The following MGAT5 variants were observed in gnomAD, a reference collection of about 807,000 sequenced individuals.
The protein encoded by MGAT5 is alpha-1,6-mannosylglycoprotein 6-beta-N-acetylglucosaminyltransferase.
A neutral mutation model predicts 94.3 loss-of-function variants in MGAT5; 30 were observed. The ratio of observed to expected loss-of-function variants is 0.32; its 90% CI spans 0.24 to 0.43. The LOEUF (loss-of-function observed/expected upper bound fraction) is 0.43. MGAT5 is among the 20% of genes least tolerant of loss of function. The pLI is 1.00. For synonymous variants in MGAT5, 310 were observed against 322.9 expected (o/e 0.96, Z 0.43); for missense variants, 691 against 905.5 (o/e 0.76, Z 3.04).
chr2:134,369,632 C>T (rs1040646770), intron 10 of MGAT5, among the ~76,000 whole-genome samples: 5 of 151,606 alleles, frequency 3.3e-5, no homozygotes, highest in African/African-American at 1.2e-4. Context: ...TCCATAGTGA[C>T]CAAAAAGAGG....
At chr2:134,314,080 A>G (rs1318508545) in intron 2 of MGAT5, among the ~76,000 whole-genome samples, 2 of 152,218 alleles carry the variant, frequency 1.3e-5, no homozygotes, top group Non-Finnish European at 2.9e-5. Context: ...GAAAGTCCTT[A>G]TGAGCTATGG....
intron 1 of MGAT5, among the ~76,000 whole-genome samples, chr2:134,176,655 T>C (rs1017622690): frequency 6.6e-6 from 1 of 151,010 alleles, no homozygotes; most frequent in Non-Finnish European, 1.5e-5. Flanking sequence ...TTAAAAAGTC[T>C]ATAATACAAG....
At chr2:134,200,445 T>G (rs920906087) in intron 1 of MGAT5, among the ~76,000 whole-genome samples, 2 of 152,248 alleles carry the variant, frequency 1.3e-5, no homozygotes, top group African/African-American at 4.8e-5. Context: ...TGATGGCAGT[T>G]GTTGCCAATT....
Position 134,425,932 on chromosome 2 carries a change from A to G in MGAT5, c.1795-2433A>G, listed in dbSNP as rs575454462. Among the ~76,000 whole-genome samples the G allele has an allele frequency of 9.9e-5, 15 of 151,904 alleles. No individual in the cohort carries two copies. In the East Asian group the frequency reaches 2.5e-3, roughly 25 times the overall value. ...TTTAAACAAAGCAGGATGCCCAAGA[A>G]TACTTCCTTGCTTCTCCACAGCTGG... is the stretch of plus-strand genomic sequence containing the variant. On this transcript the variant is annotated intron_variant, in intron 13 of 15. Coordinates refer to ENST00000281923, the MANE Select transcript of MGAT5 (RefSeq NM_002410.5).
chr2:134,252,237 CAT>C (rs1402785499), upstream of MGAT5, among the ~76,000 whole-genome samples: 1 of 152,110 alleles, frequency 6.6e-6, no homozygotes, highest in Non-Finnish European at 1.5e-5. Flanking sequence ...AGAGAGCACT[CAT>C]GTGCCAGCTG....
At chr2:134,261,447 ACTGTTGGGTGGTGGCTGAGCATTCGC>A (rs1230070982) in intron 1 of MGAT5, among the ~76,000 whole-genome samples, 1 of 152,080 alleles carries the variant, frequency 6.6e-6, no homozygotes, top group Non-Finnish European at 1.5e-5. Flanking sequence ...CTAGGACAAG[ACTGTTGGGTGGTGGCTGAGCATTCGC>A]CTGTCTTTGA....
intron 1 of MGAT5, among the ~76,000 whole-genome samples, chr2:134,188,375 C>T (rs1689150907): frequency 1.3e-5 from 2 of 152,244 alleles, no homozygotes; most frequent in African/African-American, 2.4e-5. Context: ...GCCCCTCTGC[C>T]ATGTGGCCTT....
intron 2 of MGAT5, among the ~76,000 whole-genome samples, chr2:134,286,066 C>T (rs1684981787): frequency 6.6e-6 from 1 of 152,166 alleles, no homozygotes; most frequent in African/African-American, 2.4e-5. Context: ...TACTAATTAT[C>T]TTCTGTGTGC....
intron 15 of MGAT5, among the ~76,000 whole-genome samples, chr2:134,444,362 C>A (rs1427054891): frequency 1.3e-5 from 2 of 152,202 alleles, no homozygotes; most frequent in Non-Finnish European, 2.9e-5. Context: ...CTGGACCCCA[C>A]CCCCACCTCC....
intron 1 of MGAT5, among the ~76,000 whole-genome samples, chr2:134,140,923 T>C (rs7558356): frequency 0.013 from 2,035 of 152,308 alleles, 52 homozygotes; most frequent in African/African-American, 0.047. Context: ...ACCCACACTG[T>C]GTGGCTGCTG....
At chr2:134,220,664 G>T (rs111556628) in intron 1 of MGAT5, among the ~76,000 whole-genome samples, 1 of 152,170 alleles carries the variant, frequency 6.6e-6, no homozygotes, top group African/African-American at 2.4e-5. Context: ...GTGTATGCAC[G>T]CTGCTGCTGT....
chr2:134,322,997 A>G (rs997971975), intron 4 of MGAT5, among the ~76,000 whole-genome samples: 3 of 152,160 alleles, frequency 2.0e-5, no homozygotes, highest in East Asian at 1.9e-4. Context: ...ATAGTCAGTC[A>G]CTAGTGGAAT....
chr2:134,252,904 G>T (rs980129428), upstream of MGAT5, among the ~76,000 whole-genome samples: 2 of 152,106 alleles, frequency 1.3e-5, no homozygotes, highest in South Asian at 2.1e-4. Flanking sequence ...CACATAGCTG[G>T]CTGACCTTTG....
intron 11 of MGAT5, 61 bp from the exon 12 acceptor site, chr2:134,412,808 C>CTGAT: frequency 6.3e-7 from 1 of 1,587,592 alleles, no homozygotes; most frequent in South Asian, 1.1e-5. Context: ...CTAGGAATGC[C>CTGAT]CGTCCTGCCT....
chr2:134,298,329 C>A (rs1265654264), intron 2 of MGAT5, among the ~76,000 whole-genome samples: 1 of 152,142 alleles, frequency 6.6e-6, no homozygotes, highest in Non-Finnish European at 1.5e-5. Context: ...AACTCCCGAC[C>A]TCAAGTGATC....
At chr2:134,351,421 G>A (rs916656035) in intron 9 of MGAT5, among the ~76,000 whole-genome samples, 1 of 152,154 alleles carries the variant, frequency 6.6e-6, no homozygotes, top group Admixed American at 6.5e-5. Context: ...ACCGCTGGGT[G>A]ATATGGCAGG....
chr2:134,158,497 G>A (rs948920954), intron 1 of MGAT5, among the ~76,000 whole-genome samples: 4 of 152,270 alleles, frequency 2.6e-5, no homozygotes, highest in East Asian at 1.9e-4. Context: ...AGCTGGTGCC[G>A]GGAGCCGAGA....
intron 1 of MGAT5, among the ~76,000 whole-genome samples, chr2:134,131,698 T>A (rs996658341): frequency 1.3e-5 from 2 of 151,254 alleles, no homozygotes; most frequent in Admixed American, 1.3e-4. Flanking sequence ...TCCTTCCTTC[T>A]TCCCCCACCC....
At chr2:134,136,764 C>T (rs1230883004) in intron 1 of MGAT5, among the ~76,000 whole-genome samples, 3 of 152,178 alleles carry the variant, frequency 2.0e-5, no homozygotes, top group African/African-American at 7.2e-5. Flanking sequence ...AGACCCTGCA[C>T]ACCCACTGCT....
Sources: gnomAD v4.1 joint callset for allele counts (sites outside exome capture counted in the v4.1 genomes callset) on GRCh38, gnomAD v4.1.1 for gene constraint, MANE v1.5 for transcripts, NCBI Gene and HGNC (gene_info 2026-07-23, HGNC 2026-07-21) for gene names.